The following SPAG9 variants were observed in gnomAD, a reference collection of about 807,000 sequenced individuals.
SPAG9 encodes the protein C-Jun-amino-terminal kinase-interacting protein 4.
Under a neutral mutation model 166.5 loss-of-function variants are expected in SPAG9, and 35 were observed. The observed-to-expected ratio is 0.21, with a 90% confidence interval of 0.16 to 0.28. SPAG9 has a LOEUF of 0.28. Ranked by LOEUF, SPAG9 falls within the 10% of genes least tolerant of loss-of-function variation. The pLI is 1.00. For synonymous variants in SPAG9, 534 were observed against 565.5 expected, an observed-to-expected ratio of 0.94 and a Z score of 0.79; for missense variants, 1,235 against 1,603.3, an observed-to-expected ratio of 0.77 and a Z score of 3.92.
intron 29 of SPAG9, among the ~76,000 whole-genome samples, chr17:50,967,045 C>G (rs1480742711): frequency 6.6e-6 from 1 of 152,204 alleles, no homozygotes; most frequent in African/African-American, 2.4e-5. Context: ...ACAGGTTCTT[C>G]TGCATCACGG....
chr17:50,981,693 T>C (rs1974652703), intron 25 of SPAG9, among the ~76,000 whole-genome samples: 1 of 148,516 alleles, frequency 6.7e-6, no homozygotes, highest in African/African-American at 2.5e-5. Context: ...CCTAAACAAT[T>C]AGAATGCATT....
At chr17:51,066,572 A>G (rs1210568450) in intron 2 of SPAG9, among the ~76,000 whole-genome samples, 2 of 149,626 alleles carry the variant, frequency 1.3e-5, no homozygotes, top group African/African-American at 4.9e-5. Context: ...AAAAAGAAAA[A>G]AAAAAAAAAG....
At chr17:50,996,514 A>T in intron 16 of SPAG9, 51 bp downstream of exon 16, 2 of 1,610,236 alleles carry the variant, frequency 1.2e-6, no homozygotes, top group Non-Finnish European at 8.5e-7. Flanking sequence ...ACGCACACTC[A>T]ACTTGCCCTC....
Position 50,979,811 on chromosome 17 carries a change from T to C in SPAG9, c.3344A>G (p.Tyr1115Cys). 1 of 1,614,230 alleles carries C rather than the reference T, an allele frequency of 6.2e-7. No individual in the cohort carries two copies. Among genetic ancestry groups the C allele is most frequent in the Non-Finnish European group, 8.5e-7 (1 of 1,180,034 alleles). Residue 1115 changes from tyrosine (Y) to cysteine (C), a missense_variant, in exon 26 of 30, where the codon TAT (tyrosine) becomes TGT (cysteine). Tyr to Cys is a radical substitution (Grantham distance 194). Transcript: ENST00000262013. Reference protein sequence around the residue: ...SIRLDSTLRLYHAHTYQHLQD... With the variant: ...SIRLDSTLRLCHAHTYQHLQD... ...TAGATGTTGATAAGTGTGTGCATGA[T>C]AGAGACGGAGCGTAGAATCCAAGCG...
At chr17:51,063,398 C>T (rs764286018) in intron 2 of SPAG9, among the ~76,000 whole-genome samples, 4 of 139,558 alleles carry the variant, frequency 2.9e-5, no homozygotes, top group Middle Eastern at 4.2e-3. Context: ...GGCCACAGGG[C>T]GAGACTACAT....
chr17:51,011,231 G>A (rs2045470809), intron 9 of SPAG9, among the ~76,000 whole-genome samples: 1 of 151,642 alleles, frequency 6.6e-6, no homozygotes, highest in Non-Finnish European at 1.5e-5. Context: ...GAGGCTATAG[G>A]CAAGAGGATT....
intron 19 of SPAG9, 124 bp from the exon 20 acceptor site, chr17:50,990,792 G>A: frequency 1.5e-6 from 1 of 676,368 alleles, no homozygotes; most frequent in Non-Finnish European, 2.5e-6. Flanking sequence ...TTGAATACAG[G>A]TAGCATTAAA....
intron 1 of SPAG9, among the ~76,000 whole-genome samples, chr17:51,085,934 A>G (rs1453750987): frequency 2.7e-5 from 4 of 150,844 alleles, no homozygotes; most frequent in African/African-American, 7.3e-5. Context: ...TTTTGTAAAA[A>G]TAATTTTTTA....
At chr17:51,046,438 C>A in intron 4 of SPAG9, 3 of 1,194,268 alleles carry the variant, frequency 2.5e-6, no homozygotes, top group Non-Finnish European at 3.5e-6. Flanking sequence ...AAAGCAGACC[C>A]GTTGAGCTAA....
At chr17:51,077,760 C>T (rs1363535908) in intron 2 of SPAG9, among the ~76,000 whole-genome samples, 1 of 152,070 alleles carries the variant, frequency 6.6e-6, no homozygotes, top group Non-Finnish European at 1.5e-5. Flanking sequence ...AAGTGATCCT[C>T]CCACCTCAGC....
chr17:51,087,626 G>C (rs575115891), intron 1 of SPAG9, among the ~76,000 whole-genome samples: 16 of 152,174 alleles, frequency 1.1e-4, no homozygotes, highest in Non-Finnish European at 2.4e-4. Flanking sequence ...TCTACATTCA[G>C]AGATCTTAGT....
chr17:51,093,791 A>AC (rs1253685059), intron 1 of SPAG9, among the ~76,000 whole-genome samples: 1 of 152,040 alleles, frequency 6.6e-6, no homozygotes, highest in Non-Finnish European at 1.5e-5. Flanking sequence ...GGGACTGAAA[A>AC]CAGGAGGGTT....
At chr17:51,082,628 A>C (rs2048197563) in intron 1 of SPAG9, among the ~76,000 whole-genome samples, 1 of 152,188 alleles carries the variant, frequency 6.6e-6, no homozygotes, top group Admixed American at 6.5e-5. Context: ...TTTGTTAAAC[A>C]AATGAATAAA....
intron 2 of SPAG9, among the ~76,000 whole-genome samples, chr17:51,064,584 C>T (rs1031809314): frequency 6.6e-6 from 1 of 152,084 alleles, no homozygotes; most frequent in East Asian, 1.9e-4. Flanking sequence ...TGAAAGAAGC[C>T]AGTCACAAAA....
rs1398620316 is a variant in SPAG9 at position 50,963,621 on chromosome 17, T to C, written c.*2651A>G. The stretch of plus-strand genomic sequence containing the variant: ...AAAGCAATTACAACCATTTGACATG[T>C]TTGTATTTTTCATCTCTAACTCCTG... On this transcript the variant is annotated 3_prime_UTR_variant, in exon 30 of 30. Coordinates refer to ENST00000262013, the MANE Select transcript of SPAG9 (RefSeq NM_001130528.3). 2.0e-5 allele frequency: 3 copies of C among 152,184 alleles called. No individual in the cohort carries two copies. Among genetic ancestry groups the C allele is most frequent in the African/African-American group, 7.2e-5 (3 of 41,438 alleles). 9.4% of individuals were successfully genotyped at this position (152,184 alleles called of 1,614,324 possible). A position where few individuals can be genotyped will look rare whatever the true frequency, so the allele number is the denominator to read the frequency against.
intron 21 of SPAG9, chr17:50,989,421 T>C (rs756363302): frequency 1.9e-6 from 1 of 513,972 alleles, no homozygotes; most frequent in Non-Finnish European, 3.5e-6. Flanking sequence ...CATATCCCCA[T>C]TGTTGACTGA....
chr17:50,974,098 C>T lies in SPAG9; in HGVS notation c.3700+673G>A, dbSNP rs546536328. ...GGAAAAAAAAATTCAAAACCTGTGT[C>T]CTGCTTACAGATGGTCAGTGACATC... On this transcript the variant is annotated intron_variant, in intron 28 of 29. Coordinates refer to ENST00000262013, the MANE Select transcript of SPAG9 (RefSeq NM_001130528.3). Among the ~76,000 whole-genome samples the T allele has an allele frequency of 1.8e-4, 28 of 152,260 alleles. No homozygotes were observed. In the South Asian group the frequency reaches 4.8e-3, roughly 26 times the overall value.
rs1973345390 is a variant in SPAG9, at chr17:50,966,082, G to A, written c.*190C>T. 8 of 570,046 alleles carry A rather than the reference G, an allele frequency of 1.4e-5. No homozygotes were observed. The highest frequency in any genetic ancestry group is 2.2e-5 in the Non-Finnish European group (7 of 315,738). The allele number at this position is 570,046 out of a possible 1,614,324, so 35.3% of individuals were successfully genotyped here. On this transcript the variant is annotated 3_prime_UTR_variant, in exon 30 of 30. Transcript: ENST00000262013. Reference sequence around the variant, plus strand: ...TACTGAAGTTACCTATAACACTGGTGCAGTAACACAGCTAGTTCCTCTGTA... The same window carrying A: ...TACTGAAGTTACCTATAACACTGGTACAGTAACACAGCTAGTTCCTCTGTA...
At chr17:51,072,174 C>T in intron 2 of SPAG9, among the ~76,000 whole-genome samples, 1 of 151,892 alleles carries the variant, frequency 6.6e-6, no homozygotes, top group East Asian at 2.0e-4. Flanking sequence ...CAGGTTAAAG[C>T]AATTCTCCTG....
Sources: gnomAD v4.1 joint callset for allele counts (sites outside exome capture counted in the v4.1 genomes callset) on GRCh38, gnomAD v4.1.1 for gene constraint, MANE v1.5 for transcripts, NCBI Gene and HGNC (gene_info 2026-07-23, HGNC 2026-07-21) for gene names.